Variants in PARD3B observed in about 807,000 individuals in gnomAD.
PARD3B encodes the protein par-3 family cell polarity regulator beta.
PARD3B carries 103 observed loss-of-function variants against 130.2 expected under a neutral mutation model. The ratio of observed to expected loss-of-function variants is 0.79; its 90% CI spans 0.67 to 0.93. The LOEUF (loss-of-function observed/expected upper bound fraction) is 0.93, where lower values mean the gene tolerates loss of function less well. Ranked by LOEUF, PARD3B falls within the 40% of genes least tolerant of loss-of-function variation. The pLI, the probability that PARD3B is intolerant of heterozygous loss-of-function variation, is 0.00. For missense variants in PARD3B, 1,609 were observed against 1,499.2 expected, an observed-to-expected ratio of 1.07 and a Z score of -1.21; for synonymous variants, 583 against 553.2, an observed-to-expected ratio of 1.05 and a Z score of -0.76.
chr2:205,456,877 A>G (rs1458889707), intron 20 of PARD3B, among the ~76,000 whole-genome samples: 1 of 149,844 alleles, frequency 6.7e-6, no homozygotes, highest in Admixed American at 6.7e-5. Context: ...TTTAATAAAT[A>G]TTAAATTGAA....
rs1236000443 is a variant in PARD3B at position 205,366,567 on chromosome 2, C to G, written c.2631-34446C>G. On this transcript the variant is annotated intron_variant, in intron 18 of 22. Coordinates refer to ENST00000406610, the MANE Select transcript of PARD3B (RefSeq NM_001302769.2). This position sits in a 1 kb window ranked among gnomAD's most constrained non-coding sequence, Gnocchi z 5.0. ...CTGAGGGACAGAGCTAATGCCAGAA[C>G]ACAGCTCTCTTAACTTGCAGGGTAT... 6.6e-6 allele frequency among the ~76,000 whole-genome samples: 1 copy of G among 152,214 alleles called. No individual in the cohort carries two copies. Among genetic ancestry groups the G allele is most frequent in the Non-Finnish European group, 1.5e-5 (1 of 68,044 alleles).
At chr2:205,077,597 C>T (rs1701146090) in intron 4 of PARD3B, among the ~76,000 whole-genome samples, 1 of 152,110 alleles carries the variant, frequency 6.6e-6, no homozygotes, top group Non-Finnish European at 1.5e-5. Flanking sequence ...GCAGAGCCTT[C>T]TGTACCCCTC....
At chr2:204,661,293 G>A (rs1309386935) in intron 1 of PARD3B, among the ~76,000 whole-genome samples, 3 of 152,138 alleles carry the variant, frequency 2.0e-5, no homozygotes, top group East Asian at 3.9e-4. Flanking sequence ...GAATCCACAA[G>A]GCTGGTGTTA....
At chr2:205,417,122 C>T (rs1412491481) in intron 19 of PARD3B, among the ~76,000 whole-genome samples, 1 of 138,816 alleles carries the variant, frequency 7.2e-6, no homozygotes, top group Non-Finnish European at 1.5e-5. Flanking sequence ...ATGTTCCCCA[C>T]CCTGTGTCCA....
At chr2:204,909,110 A>G (rs1575276449) in intron 2 of PARD3B, among the ~76,000 whole-genome samples, 2 of 152,196 alleles carry the variant, frequency 1.3e-5, no homozygotes, top group African/African-American at 4.8e-5. Flanking sequence ...GAGGTTATGC[A>G]GTAAGGAACC....
chr2:204,716,685 C>T (rs1274935597), intron 2 of PARD3B, among the ~76,000 whole-genome samples: 9 of 148,442 alleles, frequency 6.1e-5, no homozygotes, highest in Admixed American at 2.0e-4. Context: ...TACAGTGGCG[C>T]GATCTCGGCT....
rs1412855570 is a variant in PARD3B at position 204,935,393 on chromosome 2, G to T, written c.223-29759G>T. ...AAATACAAAAAAAAAAAAAAAATTA[G>T]CCTGGCATGGTGACGGGCGCCTGTA... On this transcript the variant is annotated intron_variant, in intron 2 of 22. Coordinates refer to ENST00000406610, the MANE Select transcript of PARD3B (RefSeq NM_001302769.2). Among the ~76,000 whole-genome samples, 3 of 140,136 alleles carry T rather than the reference G, an allele frequency of 2.1e-5. 1 individual carries two copies. The highest frequency in any genetic ancestry group is 3.2e-5 in the Non-Finnish European group (2 of 62,946). The allele number at this position is 140,136 out of a possible 152,430, so 91.9% of individuals were successfully genotyped here.
intron 1 of PARD3B, among the ~76,000 whole-genome samples, chr2:204,590,414 A>G (rs537246783): frequency 5.1e-4 from 78 of 152,286 alleles, no homozygotes; most frequent in African/African-American, 1.8e-3. Context: ...GTGCAAAGAA[A>G]CGTTGGCAAG....
intron 18 of PARD3B, among the ~76,000 whole-genome samples, chr2:205,355,813 A>C (rs1222287831): frequency 6.6e-6 from 1 of 152,186 alleles, no homozygotes; most frequent in African/African-American, 2.4e-5. Flanking sequence ...AGCGAAGGGC[A>C]AGCAAGGCAT....
At position 205,477,134 on chromosome 2, in the gene PARD3B, A is replaced by G. The variant is rs193147296; in HGVS notation, c.3045-22762A>G. On this transcript the variant is annotated intron_variant, in intron 20 of 22. Coordinates refer to ENST00000406610, the MANE Select transcript of PARD3B (RefSeq NM_001302769.2). Reference sequence around the variant, plus strand: ...GCCCTGATGCAGGACTTAATCCTGAACTCTGCAAACGTTTCCTTTTGCACT... The same window carrying G: ...GCCCTGATGCAGGACTTAATCCTGAGCTCTGCAAACGTTTCCTTTTGCACT... 3.1e-4 allele frequency among the ~76,000 whole-genome samples: 47 copies of G among 152,266 alleles called. No individual in the cohort carries two copies. The East Asian group carries it at 7.7e-3, about 25-fold the overall frequency.
chr2:205,306,166 A>G (rs1207414), intron 18 of PARD3B, among the ~76,000 whole-genome samples: 152,104 of 152,272 alleles, frequency 1, 75,969 homozygotes, highest in Non-Finnish European at 1. Context: ...GCCTCTAGAA[A>G]CTAGAAAGGG....
rs556736288 is a variant in PARD3B at position 205,615,652 on chromosome 2, G to C, written c.3457G>C (p.Gly1153Arg). 472 of 1,613,648 alleles carry C rather than the reference G, an allele frequency of 2.9e-4. No individual in the cohort carries two copies. The highest frequency in any genetic ancestry group is 3.7e-4 in the Non-Finnish European group (441 of 1,179,866). Reference protein sequence around the residue: ...YPPPPAPQHKGPFRQDVPPSP... With the variant: ...YPPPPAPQHKRPFRQDVPPSP... ...ACCCCCGCCAGCTCCCCAGCACAAAGGACCCTTTCGACAAGACGTTCCGCC... is the reference window on the plus strand; with the variant it reads ...ACCCCCGCCAGCTCCCCAGCACAAACGACCCTTTCGACAAGACGTTCCGCC... The change falls in exon 23 of 23, where the codon GGA becomes CGA. Residue 1153 changes from glycine (G) to arginine (R), a missense_variant. Transcript: ENST00000406610.
intron 2 of PARD3B, among the ~76,000 whole-genome samples, chr2:204,854,340 A>G (rs2125612840): frequency 6.6e-6 from 1 of 152,294 alleles, no homozygotes; most frequent in South Asian, 2.1e-4. Flanking sequence ...GGTAGAAGTG[A>G]TGAGGGCATT....
chr2:204,629,100 G>A (rs2125136960), intron 1 of PARD3B, among the ~76,000 whole-genome samples: 1 of 152,282 alleles, frequency 6.6e-6, no homozygotes, highest in African/African-American at 2.4e-5. Context: ...AAGACCTCAT[G>A]AAGTTGGACA....
At chr2:204,839,400 A>G (rs1483343956) in intron 2 of PARD3B, among the ~76,000 whole-genome samples, 1 of 152,158 alleles carries the variant, frequency 6.6e-6, no homozygotes, top group African/African-American at 2.4e-5. Flanking sequence ...AAAACACTTA[A>G]GTATTATATA....
In PARD3B at chr2:205,054,600, C is replaced by T. The variant is rs187125979; in HGVS notation, c.504+6910C>T. ...CCTAATGCTATCCCTTTCCCTTCCC[C>T]GCACCCCACAACAGGCCCCGGTGTG... On this transcript the variant is annotated intron_variant, in intron 4 of 22. Coordinates refer to ENST00000406610, the MANE Select transcript of PARD3B (RefSeq NM_001302769.2). Among the ~76,000 whole-genome samples the T allele has an allele frequency of 2.2e-3, 330 of 151,158 alleles. 1 individual carries two copies. Among genetic ancestry groups the T allele is most frequent in the African/African-American group, 6.7e-3 (276 of 41,164 alleles).
At chr2:205,038,855 A>G (rs1258873423) in intron 3 of PARD3B, among the ~76,000 whole-genome samples, 1 of 152,182 alleles carries the variant, frequency 6.6e-6, no homozygotes, top group Non-Finnish European at 1.5e-5. Context: ...TTTTATGGCA[A>G]TAGTGGGAGT....
At chr2:204,954,523 G>C (rs566257659) in intron 2 of PARD3B, among the ~76,000 whole-genome samples, 2 of 152,312 alleles carry the variant, frequency 1.3e-5, no homozygotes, top group South Asian at 4.1e-4. Context: ...CTGGTGAAAT[G>C]TAGTACCAAT....
At chr2:204,882,202 C>T (rs2046081225) in intron 2 of PARD3B, among the ~76,000 whole-genome samples, 2 of 152,110 alleles carry the variant, frequency 1.3e-5, no homozygotes, top group South Asian at 4.2e-4. Flanking sequence ...TCTAAATTCC[C>T]CATATTTAAA....
Sources: gnomAD v4.1 joint callset for allele counts (sites outside exome capture counted in the v4.1 genomes callset) on GRCh38, gnomAD v4.1.1 for gene constraint, Gnocchi (gnomAD v3.1) non-coding constraint, MANE v1.5 for transcripts, NCBI Gene and HGNC (gene_info 2026-07-23, HGNC 2026-07-21) for gene names.